The following ICE2 variants were observed in gnomAD, a reference collection of about 807,000 sequenced individuals.
ICE2 encodes the protein interactor of little elongation complex ELL subunit 2.
A neutral mutation model predicts 105.4 loss-of-function variants in ICE2; 87 were observed. The observed-to-expected ratio is 0.83, with a 90% CI of 0.69 to 0.99. The LOEUF is 0.99. ICE2 is among the 50% of genes least tolerant of loss of function. ICE2 has a pLI of 0.00. For missense variants in ICE2, 1,323 were observed against 1,146.7 expected (o/e 1.15, Z -2.22); for synonymous variants, 399 against 392.0 (o/e 1.02, Z -0.21).
At chr15:60,453,547 CTTCAAAAGGATAAACAAGTACA>C in intron 9 of ICE2, 34 bp downstream of exon 9, 1 of 1,583,204 alleles carries the variant, frequency 6.3e-7, no homozygotes, top group Non-Finnish European at 8.6e-7. Context: ...AAACTTTATG[CTTCAAAAGGATAAACAAGTACA>C]TTCCCCTTAG....
intron 5 of ICE2, among the ~76,000 whole-genome samples, chr15:60,460,568 A>C (rs2064247402): frequency 6.6e-6 from 1 of 152,134 alleles, no homozygotes; most frequent in South Asian, 2.1e-4. Flanking sequence ...TCTCAACCAA[A>C]CTCTGTGCTA....
At chr15:60,465,487 T>A (rs562010842) in intron 5 of ICE2, among the ~76,000 whole-genome samples, 1 of 152,214 alleles carries the variant, frequency 6.6e-6, no homozygotes, top group African/African-American at 2.4e-5. Context: ...GTGTCCGGAC[T>A]TTTTAAAAAA....
chr15:60,444,090 G>T (rs1459908852), intron 11 of ICE2, among the ~76,000 whole-genome samples: 1 of 152,076 alleles, frequency 6.6e-6, no homozygotes, highest in Non-Finnish European at 1.5e-5. Context: ...AACACAGCAA[G>T]ACTCTTGTCT....
chr15:60,431,306 T>C (rs989937976), intron 14 of ICE2, among the ~76,000 whole-genome samples: 55 of 152,174 alleles, frequency 3.6e-4, no homozygotes, highest in Admixed American at 6.5e-4. Context: ...TTAATCGTTT[T>C]GCAGGTGTGA....
intron 13 of ICE2, among the ~76,000 whole-genome samples, chr15:60,434,829 C>T (rs906313584): frequency 6.6e-6 from 1 of 152,000 alleles, no homozygotes; most frequent in East Asian, 1.9e-4. Context: ...GTATTCAATA[C>T]CATAGTAGAG....
chr15:60,467,709 A>T (rs2064469365), intron 4 of ICE2, among the ~76,000 whole-genome samples: 1 of 152,258 alleles, frequency 6.6e-6, no homozygotes, highest in South Asian at 2.1e-4. Context: ...CATTGATATG[A>T]ACAAAGATTT....
rs1461233432 is a variant in ICE2, at chr15:60,420,810, A to G, written c.*2824T>C. ...AAGCACTTATCACATAAAGCAGTATAGTGTCTTCCACTAGAATGTGATCTC... is the reference window on the plus strand; with the variant it reads ...AAGCACTTATCACATAAAGCAGTATGGTGTCTTCCACTAGAATGTGATCTC... On this transcript the variant is annotated 3_prime_UTR_variant, in exon 16 of 16. Coordinates refer to ENST00000261520, the MANE Select transcript of ICE2 (RefSeq NM_024611.6). The G allele has an allele frequency of 6.6e-6, 1 of 152,174 alleles. No individual in the cohort carries two copies. The highest frequency in any genetic ancestry group is 1.5e-5 in the Non-Finnish European group (1 of 68,022). The allele number at this position is 152,174 out of a possible 1,614,324, so 9.4% of individuals were successfully genotyped here.
intron 13 of ICE2, among the ~76,000 whole-genome samples, chr15:60,433,715 T>A (rs1308617977): frequency 6.6e-6 from 1 of 151,782 alleles, no homozygotes. Flanking sequence ...GGTCTCGAAC[T>A]CCTGACCTCA....
chr15:60,424,570 C>T (rs1359949271), intron 15 of ICE2, among the ~76,000 whole-genome samples: 6 of 152,080 alleles, frequency 3.9e-5, no homozygotes, highest in Non-Finnish European at 5.9e-5. Context: ...ACAGTTGGCG[C>T]GATCTCTGCT....
intron 5 of ICE2, among the ~76,000 whole-genome samples, chr15:60,464,712 C>A (rs963097347): frequency 6.6e-6 from 1 of 152,118 alleles, no homozygotes; most frequent in Non-Finnish European, 1.5e-5. Context: ...AGAGATCATG[C>A]AGGCCACTGT....
At chr15:60,460,285 T>G (rs534894283) in intron 5 of ICE2, among the ~76,000 whole-genome samples, 193 of 152,236 alleles carry the variant, frequency 1.3e-3, no homozygotes, top group African/African-American at 4.4e-3. Flanking sequence ...TCACCTGAGG[T>G]CAGGAGTTCG....
chr15:60,440,606 G>C (rs1255873940), intron 12 of ICE2: 4 of 152,148 alleles, frequency 2.6e-5, no homozygotes, highest in Non-Finnish European at 5.9e-5. Flanking sequence ...TACGACCTGA[G>C]AAAGTCTTAG....
At chr15:60,475,542 A>G (rs187476045) in intron 3 of ICE2, among the ~76,000 whole-genome samples, 1 of 152,322 alleles carries the variant, frequency 6.6e-6, no homozygotes, top group East Asian at 1.9e-4. Context: ...TAGGCTATAT[A>G]GTGAGGTAAT....
At chr15:60,476,907 T>C (rs1351917896) in intron 2 of ICE2, among the ~76,000 whole-genome samples, 1 of 152,204 alleles carries the variant, frequency 6.6e-6, no homozygotes, top group Non-Finnish European at 1.5e-5. Context: ...AAACCACAAC[T>C]AGTTCCACAA....
intron 9 of ICE2, among the ~76,000 whole-genome samples, chr15:60,450,284 C>T (rs80261888): frequency 0.018 from 2,734 of 152,258 alleles, 45 homozygotes; most frequent in Non-Finnish European, 0.027. Flanking sequence ...CTTTTTAATG[C>T]GTCCAGAGAA....
Position 60,428,649 on chromosome 15 carries a change from T to G in ICE2, c.2600A>C (p.Glu867Ala), listed in dbSNP as rs2063389591. Residue 867 changes from glutamate to alanine, a missense_variant, in exon 15 of 16, where the codon GAA becomes GCA. By Grantham distance (107) the Glu-to-Ala change is moderately radical. Transcript: ENST00000261520. Reference sequence around the variant, plus strand: ...CTTATAAATCAGGAGTGAAGAATCTTCTGCTGCATGAGATAACAAGTAGGA... The same window carrying G: ...CTTATAAATCAGGAGTGAAGAATCTGCTGCTGCATGAGATAACAAGTAGGA... ...EGSYLLSHAA[E>A]DSSLLIYKAS... is the part of the protein sequence containing the mutation. 1 of 1,614,124 alleles carries G rather than the reference T, an allele frequency of 6.2e-7. No homozygotes were observed. Among genetic ancestry groups the G allele is most frequent in the Non-Finnish European group, 8.5e-7 (1 of 1,179,988 alleles).
rs1419829579 is a variant in ICE2, at chr15:60,420,043, GATA to G, written c.*3588_*3590del. 2 of 152,030 alleles carry G rather than the reference GATA, an allele frequency of 1.3e-5. No homozygotes were observed. Among genetic ancestry groups the G allele is most frequent in the African/African-American group, 4.8e-5 (2 of 41,380 alleles). 9.4% of individuals were successfully genotyped at this position (152,030 alleles called of 1,614,324 possible). A position where few individuals can be genotyped will look rare whatever the true frequency, so the allele number is the denominator to read the frequency against. ...GACTTTTGACTTACAGAAACTGTGA[GATA>G]ATGTTTGTTGTTTTAAGTAGCTAAG... On this transcript the variant is annotated 3_prime_UTR_variant, in exon 16 of 16. Transcript: ENST00000261520.
chr15:60,430,237 C>G (rs1355012181), intron 14 of ICE2, among the ~76,000 whole-genome samples: 1 of 152,204 alleles, frequency 6.6e-6, no homozygotes, highest in African/African-American at 2.4e-5. Flanking sequence ...TGCGACTTAA[C>G]TTGGCGTTGT....
At chr15:60,434,039 C>T (rs2123834) in intron 13 of ICE2, among the ~76,000 whole-genome samples, 148,529 of 152,228 alleles carry the variant, frequency 0.98, 72,545 homozygotes, top group Middle Eastern at 1. Flanking sequence ...CCATTTCTTA[C>T]CCTAAGTGGG....
Sources: gnomAD v4.1 joint callset for allele counts (sites outside exome capture counted in the v4.1 genomes callset) on GRCh38, gnomAD v4.1.1 for gene constraint, MANE v1.5 for transcripts, NCBI Gene and HGNC (gene_info 2026-07-23, HGNC 2026-07-21) for gene names.